The following EZH2 variants were observed in gnomAD, a reference collection of about 807,000 sequenced individuals.
EZH2 encodes the protein histone-lysine N-methyltransferase EZH2.
In EZH2, 18 loss-of-function variants were observed where a neutral mutation model predicts 98.4. The ratio of observed to expected loss-of-function variants is 0.18; its 90% CI spans 0.13 to 0.27. The LOEUF is 0.27. Among genes scored for constraint, EZH2 ranks in the 10% least tolerant of loss-of-function variants. The probability of loss-of-function intolerance (pLI) is 1.00; values close to 1 mark genes in which losing one functional copy is unlikely to be tolerated. For missense variants in EZH2, 470 were observed against 935.1 expected (o/e 0.50, Z 6.49); for synonymous variants, 338 against 312.3 (o/e 1.08, Z -0.87).
At chr7:148,824,660 A>T (rs757722543) in intron 8 of EZH2, among the ~76,000 whole-genome samples, 1 of 152,224 alleles carries the variant, frequency 6.6e-6, no homozygotes, top group Non-Finnish European at 1.5e-5. Flanking sequence ...GTAATGCATG[A>T]TTATATATAT....
intron 3 of EZH2, among the ~76,000 whole-genome samples, chr7:148,839,107 A>AGGAAGGAAGGAAGGAAGGAAGGAAGGTG (rs1307399209): frequency 1.6e-4 from 24 of 150,178 alleles, no homozygotes; most frequent in African/African-American, 6.0e-4. Flanking sequence ...GAAGGAAGGA[A>AGGAAGGAAGGAAGGAAGGAAGGAAGGTG]AGTGAGTGAG....
intron 1 of EZH2, chr7:148,875,958 C>G (rs937313134): frequency 1.3e-5 from 2 of 152,132 alleles, no homozygotes; most frequent in Non-Finnish European, 2.9e-5. Context: ...GAGTTGGAAA[C>G]CATCCTGGGC....
chr7:148,815,042 G>T lies in EZH2; in HGVS notation c.1547-3C>A. 2 of 1,613,420 alleles carry T rather than the reference G, an allele frequency of 1.2e-6. No individual in the cohort carries two copies. The highest frequency in any genetic ancestry group is 2.2e-5 in the South Asian group (2 of 90,964). Reference sequence around the variant, plus strand: ...GTAAACATGGTTAGAGGAGCCGTCTGAGTAAAGATAACATCATGCAGGCCA... The same window carrying T: ...GTAAACATGGTTAGAGGAGCCGTCTTAGTAAAGATAACATCATGCAGGCCA... On this transcript the variant is annotated splice_polypyrimidine_tract_variant and splice_region_variant and intron_variant, in intron 13 of 19. Coordinates refer to ENST00000320356, the MANE Select transcript of EZH2 (RefSeq NM_004456.5).
At chr7:148,864,679 G>C in intron 1 of EZH2, among the ~76,000 whole-genome samples, 1 of 118,118 alleles carries the variant, frequency 8.5e-6, no homozygotes. Context: ...CAGTGAGACT[G>C]TCTCAAAAAA....
At chr7:148,849,663 G>A (rs1188733681) in intron 1 of EZH2, among the ~76,000 whole-genome samples, 1 of 152,166 alleles carries the variant, frequency 6.6e-6, no homozygotes, top group African/African-American at 2.4e-5. Context: ...ATGGTGTTAG[G>A]AAGGCAGTGA....
At chr7:148,839,827 G>A (rs1049586484) in intron 3 of EZH2, among the ~76,000 whole-genome samples, 7 of 152,080 alleles carry the variant, frequency 4.6e-5, no homozygotes, top group South Asian at 2.1e-4. Flanking sequence ...GATTACAGGC[G>A]TGAGCCACTG....
At chr7:148,856,332 C>A (rs1816830328) in intron 1 of EZH2, among the ~76,000 whole-genome samples, 1 of 152,124 alleles carries the variant, frequency 6.6e-6, no homozygotes, top group African/African-American at 2.4e-5. Flanking sequence ...AAAGAAGTTA[C>A]AAATAAGCAA....
intron 1 of EZH2, among the ~76,000 whole-genome samples, chr7:148,847,637 G>A (rs1201568244): frequency 1.3e-5 from 2 of 152,142 alleles, no homozygotes; most frequent in African/African-American, 4.8e-5. Context: ...CATTTGTGGA[G>A]GGAAGAAAAT....
At chr7:148,845,508 G>C (rs1041117724) in intron 3 of EZH2, among the ~76,000 whole-genome samples, 16 of 152,184 alleles carry the variant, frequency 1.1e-4, no homozygotes, top group African/African-American at 3.9e-4. Flanking sequence ...ACTAAAATCT[G>C]CATTAGGATT....
chr7:148,824,327 AAAC>A lies in EZH2; in HGVS notation c.907+2124_907+2126del, dbSNP rs1218601759. On this transcript the variant is annotated intron_variant, in intron 8 of 19. Coordinates refer to ENST00000320356, the MANE Select transcript of EZH2 (RefSeq NM_004456.5). ...GAGACTTCGTCTCAAAAAAAAAAAAAAACAACAACAACAACAAAAAAGAAACAG... is the reference window on the plus strand; with the variant it reads ...GAGACTTCGTCTCAAAAAAAAAAAAAAACAACAACAACAAAAAAGAAACAG... Among the ~76,000 whole-genome samples the A allele has an allele frequency of 4.0e-5, 6 of 151,734 alleles. No individual in the cohort carries two copies. In the South Asian group the frequency reaches 6.2e-4, roughly 16 times the overall value.
intron 1 of EZH2, among the ~76,000 whole-genome samples, chr7:148,852,371 T>C (rs1815992960): frequency 6.6e-6 from 1 of 152,166 alleles, no homozygotes; most frequent in South Asian, 2.1e-4. Context: ...CCACCCAGGG[T>C]CAATTCACCC....
rs992002152 is a variant in EZH2 at position 148,848,096 on chromosome 7, A to G, written c.-7-791T>C. ...GTCTTTTCCTAGAACATTTTCTCCTAAAGTATTAAAATCATCCTGTACCTT... is the reference window on the plus strand; with the variant it reads ...GTCTTTTCCTAGAACATTTTCTCCTGAAGTATTAAAATCATCCTGTACCTT... On this transcript the variant is annotated intron_variant, in intron 1 of 19. Transcript: ENST00000320356. 3.3e-5 allele frequency among the ~76,000 whole-genome samples: 5 copies of G among 152,198 alleles called. No homozygotes were observed. The East Asian group carries it at 5.8e-4, about 18-fold the overall frequency.
intron 7 of EZH2, 104 bp downstream of exon 7, chr7:148,827,058 CAA>C (rs1316123971): frequency 3.8e-6 from 3 of 790,890 alleles, no homozygotes; most frequent in East Asian, 2.5e-5. Context: ...ACACTGTAAA[CAA>C]AGTGTAGTGG....
chr7:148,838,400 G>A (rs868358048), intron 3 of EZH2, among the ~76,000 whole-genome samples: 1 of 152,002 alleles, frequency 6.6e-6, no homozygotes, highest in Non-Finnish European at 1.5e-5. Context: ...AATCCTGAAG[G>A]GCTGTTAAGG....
intron 17 of EZH2, 48 bp downstream of exon 17, chr7:148,810,285 T>A: frequency 7.1e-7 from 1 of 1,404,990 alleles, no homozygotes; most frequent in Middle Eastern, 1.8e-4. Flanking sequence ...GGCAGAAGGC[T>A]GCCACATGCA....
chr7:148,819,403 A>C (rs1009220235), intron 9 of EZH2, among the ~76,000 whole-genome samples, 193 bp downstream of exon 9: 2 of 152,210 alleles, frequency 1.3e-5, no homozygotes, highest in Non-Finnish European at 2.9e-5. Context: ...AAAAAGAATA[A>C]TACCACATTA....
chr7:148,836,031 C>T (rs1229445151), intron 3 of EZH2, among the ~76,000 whole-genome samples: 5 of 152,170 alleles, frequency 3.3e-5, no homozygotes, highest in African/African-American at 4.8e-5. Flanking sequence ...AGTATCCCAT[C>T]GCCTCAGTTC....
In EZH2 at chr7:148,834,054, T is replaced by C. The variant is rs150007400; in HGVS notation, c.247-1304A>G. ...AAATGCTGCCAACTAAACAAAGGTA[T>C]AATCCATTCTTATCACAGTGATTCT... On this transcript the variant is annotated intron_variant, in intron 3 of 19. Transcript: ENST00000320356. 3.1e-3 allele frequency among the ~76,000 whole-genome samples: 474 copies of C among 152,296 alleles called. 2 individuals are homozygous for C. The highest frequency in any genetic ancestry group is 0.011 in the African/African-American group (445 of 41,550).
rs1327330070 is a variant in EZH2 at position 148,843,588 on chromosome 7, T to TG, written c.246+2881_246+2882insC. 8.1e-4 allele frequency among the ~76,000 whole-genome samples: 20 copies of TG among 24,592 alleles called. No individual in the cohort carries two copies. In the East Asian group the frequency reaches 0.011, roughly 14 times the overall value. 16.1% of individuals were successfully genotyped at this position (24,592 alleles called of 152,430 possible). A position where few individuals can be genotyped will look rare whatever the true frequency, so the allele number is the denominator to read the frequency against. Reference sequence around the variant, plus strand: ...AACTACAAATGGGAGTATAAGTTTTTTTTTTTTTTTTTTTTTTTTTTTTTT... The same window carrying TG: ...AACTACAAATGGGAGTATAAGTTTTTGTTTTTTTTTTTTTTTTTTTTTTTTT... On this transcript the variant is annotated intron_variant, in intron 3 of 19. Coordinates refer to ENST00000320356, the MANE Select transcript of EZH2 (RefSeq NM_004456.5).
Sources: gnomAD v4.1 joint callset for allele counts (sites outside exome capture counted in the v4.1 genomes callset) on GRCh38, gnomAD v4.1.1 for gene constraint, MANE v1.5 for transcripts, NCBI Gene and HGNC (gene_info 2026-07-23, HGNC 2026-07-21) for gene names.